Variants in STMND1 observed in about 807,000 individuals in gnomAD.
The protein encoded by STMND1 is stathmin domain containing 1.
In STMND1, 17 loss-of-function variants were observed where a neutral mutation model predicts 23.0. The observed-to-expected ratio is 0.74, with a 90% CI of 0.51 to 1.11. The LOEUF (loss-of-function observed/expected upper bound fraction) is 1.11, where lower values mean the gene tolerates loss of function less well. Among genes scored for constraint, STMND1 ranks in the 50% least tolerant of loss-of-function variants. The pLI, the probability that STMND1 is intolerant of heterozygous loss-of-function variation, is 0.00. For synonymous variants in STMND1, 114 were observed against 119.9 expected (o/e 0.95, Z 0.32); for missense variants, 305 against 329.1 (o/e 0.93, Z 0.57).
rs939480987 is a variant in STMND1, at chr6:17,102,226, A to G, written c.-32A>G. On this transcript the variant is annotated 5_prime_UTR_variant, in exon 1 of 5. Coordinates refer to ENST00000536551, the MANE Select transcript of STMND1 (RefSeq NM_001190766.2). ...GCGCTCGCGGGGGCGCACAGCAGCC[A>G]AGCCCGCGGAGGAGGAGCGCGCGCG... 2.0e-6 allele frequency: 3 copies of G among 1,514,538 alleles called. No individual in the cohort carries two copies. In the African/African-American group the frequency reaches 4.3e-5, roughly 21 times the overall value. The allele number at this position is 1,514,538 out of a possible 1,614,324, so 93.8% of individuals were successfully genotyped here.
At chr6:17,112,814 G>A (rs1761111272) in intron 1 of STMND1, among the ~76,000 whole-genome samples, 1 of 152,056 alleles carries the variant, frequency 6.6e-6, no homozygotes, top group African/African-American at 2.4e-5. Flanking sequence ...GGGTCACATG[G>A]TTAACTCTAT....
chr6:17,123,320 C>T (rs932158449), intron 3 of STMND1, among the ~76,000 whole-genome samples: 7 of 152,162 alleles, frequency 4.6e-5, no homozygotes, highest in African/African-American at 1.7e-4. Context: ...GGAACGTTCT[C>T]AAAAGGATTT....
rs1032560476 is a variant in STMND1, at chr6:17,130,874, T to A, written c.824T>A (p.Val275Asp). 1 of 1,513,234 alleles carries A rather than the reference T, an allele frequency of 6.6e-7. No homozygotes were observed. 93.7% of individuals were successfully genotyped at this position (1,513,234 alleles called of 1,614,324 possible). A position where few individuals can be genotyped will look rare whatever the true frequency, so the allele number is the denominator to read the frequency against. The change falls in exon 5 of 5, where the codon GTC (valine) becomes GAC (aspartate). Residue 275 changes from valine to aspartate, a missense_variant. By Grantham distance (152) the Val-to-Asp change is radical. Transcript: ENST00000536551. ...TCCTACAACCAAGCAGATGACATAG[T>A]CTACTAAGCCATTTTTTGTGAATTT... Reference protein sequence around the residue: ...DMSYNQADDIVY With the variant: ...DMSYNQADDIDY
chr6:17,126,062 ATATATATATTTTTTTTTTT>A (rs1184407043), intron 3 of STMND1, among the ~76,000 whole-genome samples: 3 of 24,372 alleles, frequency 1.2e-4, no homozygotes, highest in Non-Finnish European at 2.2e-4. Context: ...ATATATATAT[ATATATATATTTTTTTTTTT>A]TTTTTTTTTT....
chr6:17,129,334 C>A, intron 4 of STMND1, 91 bp downstream of exon 4: 1 of 1,224,604 alleles, frequency 8.2e-7, no homozygotes, highest in Non-Finnish European at 1.1e-6. Context: ...AGTTTTAAGA[C>A]AAACTGCATG....
At chr6:17,112,159 C>T (rs746992682) in intron 1 of STMND1, among the ~76,000 whole-genome samples, 20 of 152,186 alleles carry the variant, frequency 1.3e-4, no homozygotes, top group Non-Finnish European at 2.9e-4. Flanking sequence ...CGTTCCCCCA[C>T]CCTAAGCAAT....
intron 1 of STMND1, among the ~76,000 whole-genome samples, chr6:17,109,139 G>A (rs771281105): frequency 6.6e-6 from 1 of 152,204 alleles, no homozygotes; most frequent in Admixed American, 6.5e-5. Flanking sequence ...GACGGAGACA[G>A]AGAAAAGCAC....
chr6:17,126,034 TTATATATA>T (rs1176278436), intron 3 of STMND1, among the ~76,000 whole-genome samples: 453 of 41,994 alleles, frequency 0.011, 12 homozygotes, highest in African/African-American at 0.027. Flanking sequence ...GATCATTGTT[TTATATATA>T]TATATATATA....
chr6:17,127,829 C>A (rs959745437), intron 3 of STMND1: 2 of 152,106 alleles, frequency 1.3e-5, no homozygotes, highest in Non-Finnish European at 2.9e-5. Flanking sequence ...TTAACTACCC[C>A]CACCCAGTTG....
intron 3 of STMND1, chr6:17,128,679 GA>G (rs1436918705): frequency 6.6e-6 from 1 of 152,402 alleles, no homozygotes; most frequent in African/African-American, 2.4e-5. Flanking sequence ...TCTGCGCCTG[GA>G]AAGTTAGATT....
chr6:17,119,657 G>A (rs1006154308), intron 2 of STMND1, among the ~76,000 whole-genome samples: 20 of 150,776 alleles, frequency 1.3e-4, no homozygotes, highest in African/African-American at 4.4e-4. Flanking sequence ...ATGAGATCTC[G>A]CCATTGCACT....
At chr6:17,113,000 A>G (rs1278723133) in intron 1 of STMND1, among the ~76,000 whole-genome samples, 1 of 152,038 alleles carries the variant, frequency 6.6e-6, no homozygotes, top group Non-Finnish European at 1.5e-5. Flanking sequence ...TGTAGTTTTG[A>G]TTTGCATTCC....
intron 3 of STMND1, among the ~76,000 whole-genome samples, chr6:17,126,070 ATTT>A (rs1189845838): frequency 6.9e-3 from 139 of 20,236 alleles, no homozygotes; most frequent in Non-Finnish European, 7.8e-3. Flanking sequence ...ATATATATAT[ATTT>A]TTTTTTTTTT....
chr6:17,126,112 C>T (rs1761302012), intron 3 of STMND1, among the ~76,000 whole-genome samples: 1 of 103,558 alleles, frequency 9.7e-6, no homozygotes, highest in Non-Finnish European at 1.7e-5. Context: ...GAGACAGGGT[C>T]TGACTACATT....
In STMND1 at chr6:17,102,308, G is replaced by T. The variant is rs1056159874; in HGVS notation, c.51G>T (p.Ala17=). 6.5e-7 allele frequency: 1 copy of T among 1,535,908 alleles called. No individual in the cohort carries two copies. The highest frequency in any genetic ancestry group is 1.4e-5 in the African/African-American group (1 of 73,030). ...QPAEDRRRVR[A]PKKGWKEEFK... ...CTGAAGACCGGAGACGTGTACGCGC[G>T]CCCAAGAAGGGCTGGAAAGAGGAAT... The change falls in exon 1 of 5, where the codon GCG becomes GCT. Residue 17 remains alanine, a synonymous_variant. Transcript: ENST00000536551.
In STMND1 at chr6:17,109,655, T is replaced by G. The variant is rs186321062; in HGVS notation, c.82-5307T>G. On this transcript the variant is annotated intron_variant, in intron 1 of 4. Transcript: ENST00000536551. Reference sequence around the variant, plus strand: ...GCCAGAGGACCTCCTGTCTTCAAACTGAAGCTCTGAGAGGTTGCTTCTCAC... The same window carrying G: ...GCCAGAGGACCTCCTGTCTTCAAACGGAAGCTCTGAGAGGTTGCTTCTCAC... 3.0e-4 allele frequency among the ~76,000 whole-genome samples: 45 copies of G among 152,306 alleles called. 1 individual carries two copies. In the East Asian group the frequency reaches 8.7e-3, roughly 29 times the overall value.
Position 17,117,667 on chromosome 6 carries a change from C to CTTTT in STMND1, c.259+2550_259+2553dup, listed in dbSNP as rs34107338. Among the ~76,000 whole-genome samples the CTTTT allele has an allele frequency of 5.4e-3, 270 of 49,568 alleles. 10 individuals are homozygous for CTTTT. The highest frequency in any genetic ancestry group is 0.021 in the Middle Eastern group (1 of 48). 32.5% of individuals were successfully genotyped at this position (49,568 alleles called of 152,430 possible). On this transcript the variant is annotated intron_variant, in intron 2 of 4. Transcript: ENST00000536551. ...TCCTCCTGATTGGATTTGGGTTACG[C>CTTTT]TTTTTTTTTTTTTTTTTTTTTTTTT...
chr6:17,120,465 G>C lies in STMND1; in HGVS notation c.260-142G>C, dbSNP rs527607243. On this transcript the variant is annotated intron_variant, in intron 2 of 4. Transcript: ENST00000536551. ...AATTTGAACTTCAAAGGATCACAAA[G>C]ACTTATAATAGAAATATATTAAGTG... is the stretch of plus-strand genomic sequence containing the variant. The C allele has an allele frequency of 2.5e-5, 15 of 596,332 alleles. No individual in the cohort carries two copies. The South Asian group carries it at 5.0e-4, about 20-fold the overall frequency. The allele number at this position is 596,332 out of a possible 1,614,324, so 36.9% of individuals were successfully genotyped here.
chr6:17,129,355 C>A, intron 4 of STMND1, 112 bp downstream of exon 4: 1 of 1,026,454 alleles, frequency 9.7e-7, no homozygotes, highest in South Asian at 2.3e-5. Flanking sequence ...GATCTATAAT[C>A]AGTATTTTTT....
Sources: allele counts gnomAD v4.1 joint callset (sites outside exome capture counted in the v4.1 genomes callset), GRCh38; gene constraint gnomAD v4.1.1; transcripts MANE v1.5; gene names NCBI Gene and HGNC (gene_info 2026-07-23, HGNC 2026-07-21).